CCDC40: variants seen among roughly 807,000 people sequenced by gnomAD.
CCDC40 encodes coiled-coil domain 40 molecular ruler complex subunit, also known as coiled-coil domain-containing protein 40.
Under a neutral mutation model 124.5 loss-of-function variants are expected in CCDC40, and 104 were observed. The ratio of observed to expected loss-of-function variants is 0.84; its 90% CI spans 0.71 to 0.98. The LOEUF is 0.98. Among genes scored for constraint, CCDC40 ranks in the 50% least tolerant of loss-of-function variants. The pLI is 0.00. For synonymous variants in CCDC40, 580 were observed against 602.9 expected (o/e 0.96, Z 0.56); for missense variants, 1,463 against 1,503.9 (o/e 0.97, Z 0.45).
Position 80,086,214 on chromosome 17 carries a change from AAAGT to A in CCDC40, c.2449+2_2449+5del, listed in dbSNP as rs2038585414. 11 of 1,600,834 alleles carry A rather than the reference AAAGT, an allele frequency of 6.9e-6. No individual in the cohort carries two copies. The highest frequency in any genetic ancestry group is 2.3e-5 in the East Asian group (1 of 44,246). ...ATGGAGCAGAAGAAACTACGAGTAG[AAAGT>A]AAGAGCCGCCGTGCCCGGCCCTGCA... On this transcript the variant is annotated splice_donor_variant and coding_sequence_variant, in exon 14 of 20. Coordinates refer to ENST00000397545, the MANE Select transcript of CCDC40 (RefSeq NM_017950.4). LOFTEE classifies it high-confidence loss of function. This position sits in a 1 kb window ranked among gnomAD's most constrained non-coding sequence, Gnocchi z 5.5.
At chr17:80,067,855 T>A (rs2038088340) in intron 10 of CCDC40, 1 of 1,397,192 alleles carries the variant, frequency 7.2e-7, no homozygotes, top group Non-Finnish European at 9.3e-7. Context: ...CCAATCCGAT[T>A]GATGAAGAAA....
intron 4 of CCDC40, 28 bp downstream of exon 4, chr17:80,047,430 GC>G: frequency 6.2e-7 from 1 of 1,602,818 alleles, no homozygotes; most frequent in East Asian, 2.2e-5. Flanking sequence ...AGGTCACCCT[GC>G]CCTGGCGATG....
intron 7 of CCDC40, among the ~76,000 whole-genome samples, chr17:80,054,377 T>C (rs1198553645): frequency 1.3e-5 from 2 of 152,186 alleles, no homozygotes; most frequent in African/African-American, 2.4e-5. Context: ...TGCACCAGTA[T>C]TGGAAGATGT....
chr17:80,075,739 A>T (rs1447760656), intron 10 of CCDC40, among the ~76,000 whole-genome samples: 1 of 152,186 alleles, frequency 6.6e-6, no homozygotes, highest in Non-Finnish European at 1.5e-5. Flanking sequence ...TCGGCCTCCC[A>T]AAGTGCTGAG....
rs1351826309 is a variant in CCDC40, at chr17:80,087,104, C to T, written c.2450-503C>T. The T allele has an allele frequency of 4.7e-6, 1 of 212,002 alleles. No individual in the cohort carries two copies. The highest frequency in any genetic ancestry group is 8.7e-5 in the South Asian group (1 of 11,502). 13.1% of individuals were successfully genotyped at this position (212,002 alleles called of 1,614,324 possible). On this transcript the variant is annotated intron_variant, in intron 14 of 19. Transcript: ENST00000397545. This position sits in a 1 kb window ranked among gnomAD's most constrained non-coding sequence, Gnocchi z 4.5. ...GCTGGAGAAGCCCTGTGAGGAGTGG[C>T]CAGCGGATGAACCAGCTGTGGCCTC...
At chr17:80,044,704 A>ATATATATATATATATATATAT (rs1485851817) in intron 3 of CCDC40, among the ~76,000 whole-genome samples, 11 of 37,188 alleles carry the variant, frequency 3.0e-4, no homozygotes, top group African/African-American at 6.3e-4. Flanking sequence ...AAAACAAACA[A>ATATATATATATATATATATAT]ACAAAAAAAA....
intron 9 of CCDC40, among the ~76,000 whole-genome samples, chr17:80,060,359 A>G (rs2037865539): frequency 6.6e-6 from 1 of 152,112 alleles, no homozygotes; most frequent in Non-Finnish European, 1.5e-5. Context: ...ACTGGGCAAC[A>G]TGGTGAGACC....
At chr17:80,046,103 G>C (rs780061856) in intron 3 of CCDC40, among the ~76,000 whole-genome samples, 3 of 152,080 alleles carry the variant, frequency 2.0e-5, no homozygotes, top group Non-Finnish European at 4.4e-5. Context: ...ACCTCTCTCT[G>C]TTTGTTATTT....
intron 13 of CCDC40, 26 bp from the exon 14 acceptor site, chr17:80,085,977 T>C (rs1178765171): frequency 1.9e-6 from 3 of 1,608,594 alleles, no homozygotes; most frequent in Non-Finnish European, 1.7e-6. Flanking sequence ...GCCCTAATTT[T>C]GCTTTTTGAT....
At position 80,099,641 on chromosome 17, in the gene CCDC40, C is replaced by T. The variant is rs774039775; in HGVS notation, c.3295C>T (p.Arg1099Cys). ...SKQSLVLERQ[R>C]LDKRLALIAT... ...GCAGTCCCTAGTGCTGGAGCGCCAG[C>T]GCCTGGACAAGCGACTGGCTCTCAT... The change falls in exon 20 of 20, where the codon CGC becomes TGC. Residue 1099 changes from arginine to cysteine, a missense_variant. By Grantham distance (180) the Arg-to-Cys change is radical (BLOSUM62 -3). Coordinates refer to ENST00000397545, the MANE Select transcript of CCDC40 (RefSeq NM_017950.4). 8 of 1,613,874 alleles carry T rather than the reference C, an allele frequency of 5.0e-6. No individual in the cohort carries two copies. Among genetic ancestry groups the T allele is most frequent in the East Asian group, 4.5e-5 (2 of 44,884 alleles).
At chr17:80,085,882 C>G in intron 13 of CCDC40, 121 bp from the exon 14 acceptor site, 5 of 865,142 alleles carry the variant, frequency 5.8e-6, no homozygotes, top group Non-Finnish European at 9.8e-6. Context: ...GTTGGCCAGG[C>G]TGGTCTTGAA....
chr17:80,041,995 G>A (rs559976297), intron 3 of CCDC40, among the ~76,000 whole-genome samples: 1 of 152,246 alleles, frequency 6.6e-6, no homozygotes, highest in African/African-American at 2.4e-5. Flanking sequence ...TTTAAGATAG[G>A]AAGGCGAATA....
intron 4 of CCDC40, among the ~76,000 whole-genome samples, chr17:80,047,635 G>C (rs1438609669): frequency 6.6e-6 from 1 of 152,210 alleles, no homozygotes; most frequent in East Asian, 1.9e-4. Flanking sequence ...CCATTTAACA[G>C]ACAGGTTCCC....
rs2038903426 is a variant in CCDC40, at chr17:80,100,563, T to A, written c.*788T>A. The A allele has an allele frequency of 6.6e-6, 1 of 151,966 alleles. No homozygotes were observed. Among genetic ancestry groups the A allele is most frequent in the Non-Finnish European group, 1.5e-5 (1 of 68,028 alleles). 9.4% of individuals were successfully genotyped at this position (151,966 alleles called of 1,614,324 possible). ...AAAATGCTCTACAAAATAATTTCAC[T>A]TTCAAACATTTCAGCAGAAGAATAA... is the stretch of plus-strand genomic sequence containing the variant. On this transcript the variant is annotated 3_prime_UTR_variant, in exon 20 of 20. Coordinates refer to ENST00000397545, the MANE Select transcript of CCDC40 (RefSeq NM_017950.4).
At position 80,087,228 on chromosome 17, in the gene CCDC40, C is replaced by CCTCCCTT. The variant is rs1568712150; in HGVS notation, c.2450-379_2450-378insCTCCCTT. Reference sequence around the variant, plus strand: ...AGGGCAGGGGTCTAAGGGCCTCCCTCTCCTGGAGACTCACAGTGTCTGAGC... The same window carrying CCTCCCTT: ...AGGGCAGGGGTCTAAGGGCCTCCCTCCTCCCTTTCCTGGAGACTCACAGTGTCTGAGC... On this transcript the variant is annotated intron_variant, in intron 14 of 19. Coordinates refer to ENST00000397545, the MANE Select transcript of CCDC40 (RefSeq NM_017950.4). This position sits in a 1 kb window ranked among gnomAD's most constrained non-coding sequence, Gnocchi z 4.5. The CCTCCCTT allele has an allele frequency of 8.9e-5, 30 of 338,798 alleles. No individual in the cohort carries two copies. Among genetic ancestry groups the CCTCCCTT allele is most frequent in the African/African-American group, 6.2e-4 (29 of 47,102 alleles). The allele number at this position is 338,798 out of a possible 1,614,324, so 21.0% of individuals were successfully genotyped here. A position where few individuals can be genotyped will look rare whatever the true frequency, so the allele number is the denominator to read the frequency against.
chr17:80,061,271 A>C (rs1598504008), intron 9 of CCDC40, among the ~76,000 whole-genome samples: 1 of 152,298 alleles, frequency 6.6e-6, no homozygotes, highest in Non-Finnish European at 1.5e-5. Flanking sequence ...GCTTGAACCC[A>C]GGAGGCAGAA....
At chr17:80,075,463 G>A (rs1038413241) in intron 10 of CCDC40, among the ~76,000 whole-genome samples, 2 of 151,970 alleles carry the variant, frequency 1.3e-5, no homozygotes, top group African/African-American at 4.8e-5. Flanking sequence ...TTTTAAGGTT[G>A]GAATTGCTTT....
intron 10 of CCDC40, among the ~76,000 whole-genome samples, 155 bp downstream of exon 10, chr17:80,065,761 ATTGT>A (rs140898045): frequency 0.045 from 6,879 of 152,276 alleles, 492 homozygotes; most frequent in African/African-American, 0.15. Flanking sequence ...AAGCTCCCTC[ATTGT>A]TTGGTAAGAT....
At chr17:80,099,099 G>T (rs944403898) in intron 19 of CCDC40, among the ~76,000 whole-genome samples, 2 of 149,602 alleles carry the variant, frequency 1.3e-5, no homozygotes, top group African/African-American at 5.0e-5. Flanking sequence ...TGGCTAACAC[G>T]GTGAAACCCT....
Sources: allele counts gnomAD v4.1 joint callset (sites outside exome capture counted in the v4.1 genomes callset), GRCh38; gene constraint gnomAD v4.1.1; non-coding constraint Gnocchi (gnomAD v3.1); transcripts MANE v1.5; gene names NCBI Gene and HGNC (gene_info 2026-07-23, HGNC 2026-07-21).